DKK2: variants seen among roughly 807,000 people sequenced by gnomAD.
DKK2 encodes dickkopf-related protein 2.
In DKK2, 11 loss-of-function variants were observed where a neutral mutation model predicts 28.1. That is an observed-to-expected ratio of 0.39 (90% CI 0.25 to 0.65). The LOEUF (loss-of-function observed/expected upper bound fraction) is 0.65, where lower values mean the gene tolerates loss of function less well. DKK2 is among the 30% of genes least tolerant of loss of function. The pLI, the probability that DKK2 is intolerant of heterozygous loss-of-function variation, is 0.47. For synonymous variants in DKK2, 135 were observed against 126.5 expected, an observed-to-expected ratio of 1.07 and a Z score of -0.45; for missense variants, 326 against 335.5, an observed-to-expected ratio of 0.97 and a Z score of 0.22.
intron 1 of DKK2, among the ~76,000 whole-genome samples, chr4:107,034,290 G>A (rs1723927493): frequency 6.6e-6 from 1 of 152,056 alleles, no homozygotes; most frequent in African/African-American, 2.4e-5. Flanking sequence ...TCTCTGGGGC[G>A]TGGGCCGCTG....
In DKK2 at chr4:107,035,584, G is replaced by C. The variant is rs760161896; in HGVS notation, c.8C>G (p.Ala3Gly). MA[A>G]LMRSKDSSCC... ...GGACGAATCCTTGCTCCGCATCAACGCGGCCATCTCCCGGCGAGGGGGTCC... is the reference window on the plus strand; with the variant it reads ...GGACGAATCCTTGCTCCGCATCAACCCGGCCATCTCCCGGCGAGGGGGTCC... The change falls in exon 1 of 4, where the codon GCG becomes GGG. Residue 3 changes from alanine (A) to glycine (G), a missense_variant. Physicochemically the swap from Ala to Gly is moderately conservative, Grantham distance 60 (BLOSUM62 0). Transcript: ENST00000285311. 10 of 1,613,994 alleles carry C rather than the reference G, an allele frequency of 6.2e-6. No individual in the cohort carries two copies. Among genetic ancestry groups the C allele is most frequent in the Admixed American group, 1.7e-5 (1 of 60,030 alleles).
chr4:106,951,514 T>C (rs1198650284), intron 1 of DKK2, among the ~76,000 whole-genome samples: 1 of 152,100 alleles, frequency 6.6e-6, no homozygotes, highest in African/African-American at 2.4e-5. Flanking sequence ...TAAAAAAGAA[T>C]GAAACCGTGT....
intron 1 of DKK2, among the ~76,000 whole-genome samples, chr4:106,990,842 A>G (rs1723193851): frequency 6.6e-6 from 1 of 152,018 alleles, no homozygotes; most frequent in African/African-American, 2.4e-5. Flanking sequence ...AGAAAGGGCA[A>G]GTGGAAAGTA....
At chr4:107,028,066 A>G (rs1343667425) in intron 1 of DKK2, among the ~76,000 whole-genome samples, 1 of 152,074 alleles carries the variant, frequency 6.6e-6, no homozygotes, top group African/African-American at 2.4e-5. Context: ...TTGTATTGTT[A>G]ACATCTGAGG....
At chr4:106,939,787 C>A (rs1198553183) in intron 1 of DKK2, among the ~76,000 whole-genome samples, 1 of 152,056 alleles carries the variant, frequency 6.6e-6, no homozygotes, top group Non-Finnish European at 1.5e-5. Flanking sequence ...CAGAACAGAG[C>A]CCTCAGAAAT....
At chr4:106,932,781 T>G (rs1211188280) in intron 1 of DKK2, among the ~76,000 whole-genome samples, 3 of 152,188 alleles carry the variant, frequency 2.0e-5, no homozygotes, top group Non-Finnish European at 4.4e-5. Context: ...TAAGGTCTCT[T>G]CCAAATCTGG....
At chr4:106,953,914 C>A (rs535252095) in intron 1 of DKK2, among the ~76,000 whole-genome samples, 1 of 152,178 alleles carries the variant, frequency 6.6e-6, no homozygotes, top group East Asian at 1.9e-4. Context: ...AAAAGTCCTG[C>A]TGTGCAATGT....
chr4:106,976,163 T>C (rs186250533), intron 1 of DKK2, among the ~76,000 whole-genome samples: 4 of 152,296 alleles, frequency 2.6e-5, no homozygotes, highest in African/African-American at 9.6e-5. Context: ...CTTCCAATTA[T>C]GCGGTTAAAT....
chr4:107,010,987 T>C (rs984119493), intron 1 of DKK2, among the ~76,000 whole-genome samples: 1 of 151,506 alleles, frequency 6.6e-6, no homozygotes, highest in Non-Finnish European at 1.5e-5. Flanking sequence ...TCTCACTTAA[T>C]AGAAGGCAGC....
intron 1 of DKK2, among the ~76,000 whole-genome samples, chr4:107,004,427 A>G (rs143099443): frequency 6.6e-6 from 1 of 152,320 alleles, no homozygotes; most frequent in African/African-American, 2.4e-5. Context: ...GATGACTTAG[A>G]CCAAAGCTCC....
chr4:106,935,721 A>C (rs917078639), intron 1 of DKK2, among the ~76,000 whole-genome samples: 3 of 152,200 alleles, frequency 2.0e-5, no homozygotes, highest in Non-Finnish European at 2.9e-5. Flanking sequence ...TCCCTGTCTG[A>C]CAGCTTTGAA....
At chr4:106,943,163 A>G (rs572703446) in intron 1 of DKK2, among the ~76,000 whole-genome samples, 1 of 152,184 alleles carries the variant, frequency 6.6e-6, no homozygotes, top group African/African-American at 2.4e-5. Flanking sequence ...CTGGCTGACC[A>G]CCCCAGATAA....
chr4:107,007,142 T>C (rs1276786949), intron 1 of DKK2, among the ~76,000 whole-genome samples: 2 of 152,296 alleles, frequency 1.3e-5, no homozygotes, highest in East Asian at 3.9e-4. Flanking sequence ...TAGTGATTTT[T>C]TTCCTCCAGT....
At chr4:106,950,907 C>T (rs1724848493) in intron 1 of DKK2, among the ~76,000 whole-genome samples, 1 of 152,116 alleles carries the variant, frequency 6.6e-6, no homozygotes, top group Non-Finnish European at 1.5e-5. Flanking sequence ...CAGAAACCTC[C>T]TTTGTGCTTC....
At chr4:107,006,406 C>T (rs1723438801) in intron 1 of DKK2, among the ~76,000 whole-genome samples, 1 of 152,076 alleles carries the variant, frequency 6.6e-6, no homozygotes, top group Admixed American at 6.5e-5. Context: ...AGGAAGTCCT[C>T]CCTGGTCTCA....
chr4:106,977,157 T>C (rs1290160159), intron 1 of DKK2, among the ~76,000 whole-genome samples: 1 of 152,218 alleles, frequency 6.6e-6, no homozygotes, highest in Non-Finnish European at 1.5e-5. Context: ...CCTTTCTCTC[T>C]AGCTGCCCTT....
intron 1 of DKK2, among the ~76,000 whole-genome samples, chr4:107,016,370 G>A (rs1014270175): frequency 2.0e-5 from 3 of 151,856 alleles, no homozygotes; most frequent in Non-Finnish European, 4.4e-5. Context: ...CCCTGGCCGT[G>A]ACAGATTTGA....
At position 106,995,635 on chromosome 4, in the gene DKK2, C is replaced by T. The variant is rs534933251; in HGVS notation, c.222+39735G>A. Among the ~76,000 whole-genome samples, 187 of 151,840 alleles carry T rather than the reference C, an allele frequency of 1.2e-3. 1 individual carries two copies. The highest frequency in any genetic ancestry group is 5.0e-3 in the South Asian group (24 of 4,816). On this transcript the variant is annotated intron_variant, in intron 1 of 3. Transcript: ENST00000285311. ...ATTTATTTATTTATTTATTTAGAGA[C>T]GGACTCTCGCTCTGTCATCCAGGCT...
intron 1 of DKK2, among the ~76,000 whole-genome samples, chr4:106,981,043 T>G (rs1214845138): frequency 6.6e-6 from 1 of 152,132 alleles, no homozygotes; most frequent in Non-Finnish European, 1.5e-5. Flanking sequence ...AAAAAGTAAC[T>G]GGAATTTGCT....
Sources: allele counts gnomAD v4.1 joint callset (sites outside exome capture counted in the v4.1 genomes callset), GRCh38; gene constraint gnomAD v4.1.1; transcripts MANE v1.5; gene names NCBI Gene and HGNC (gene_info 2026-07-23, HGNC 2026-07-21).